The following IPCEF1 variants were observed in gnomAD, a reference collection of about 807,000 sequenced individuals.
The protein encoded by IPCEF1 is interaction protein for cytohesin exchange factors 1.
Under a neutral mutation model 50.9 loss-of-function variants are expected in IPCEF1, and 31 were observed. The ratio of observed to expected loss-of-function variants is 0.61; its 90% CI spans 0.46 to 0.82. IPCEF1 has a LOEUF of 0.82. Ranked by LOEUF, IPCEF1 falls within the 40% of genes least tolerant of loss-of-function variation. The probability of loss-of-function intolerance (pLI) is 0.00; values close to 1 mark genes in which losing one functional copy is unlikely to be tolerated. For synonymous variants in IPCEF1, 181 were observed against 192.0 expected, an observed-to-expected ratio of 0.94 and a Z score of 0.47; for missense variants, 458 against 514.0, an observed-to-expected ratio of 0.89 and a Z score of 1.05.
At chr6:154,163,837 T>C (rs1288927543) in intron 11 of IPCEF1, among the ~76,000 whole-genome samples, 3 of 152,138 alleles carry the variant, frequency 2.0e-5, no homozygotes, top group Non-Finnish European at 4.4e-5. Flanking sequence ...TAGATAGATA[T>C]TAATAGATAG....
intron 2 of IPCEF1, among the ~76,000 whole-genome samples, chr6:154,272,662 A>T (rs1458596349): frequency 6.6e-6 from 1 of 152,250 alleles, no homozygotes; most frequent in African/African-American, 2.4e-5. Context: ...ACATATATTA[A>T]TAAAGAATCA....
At chr6:154,184,832 A>C (rs1024716940) in intron 10 of IPCEF1, among the ~76,000 whole-genome samples, 1 of 152,190 alleles carries the variant, frequency 6.6e-6, no homozygotes, top group Non-Finnish European at 1.5e-5. Flanking sequence ...AGATTTTATC[A>C]AGCATGTTAT....
At chr6:154,322,772 G>A (rs1583988181) in intron 1 of IPCEF1, among the ~76,000 whole-genome samples, 1 of 152,006 alleles carries the variant, frequency 6.6e-6, no homozygotes, top group South Asian at 2.1e-4. Flanking sequence ...GGGAGGTGGA[G>A]GTTGCAGTGA....
At chr6:154,214,306 C>T (rs1778207177) in intron 7 of IPCEF1, 30 bp from the exon 8 acceptor site, 6 of 1,518,350 alleles carry the variant, frequency 4.0e-6, no homozygotes, top group Non-Finnish European at 5.5e-6. Flanking sequence ...CAAATGTTGA[C>T]CAAAGAGATT....
At chr6:154,327,381 C>G (rs1217790993) in intron 1 of IPCEF1, among the ~76,000 whole-genome samples, 3 of 151,996 alleles carry the variant, frequency 2.0e-5, no homozygotes, top group African/African-American at 7.2e-5. Flanking sequence ...AAAAAACAAA[C>G]AAGCCCATTA....
intron 6 of IPCEF1, chr6:154,222,860 G>A (rs886697852): frequency 1.7e-5 from 6 of 356,580 alleles, no homozygotes; most frequent in African/African-American, 1.0e-4. Context: ...TAGTAGAACC[G>A]AAGCTTGACA....
intron 1 of IPCEF1, among the ~76,000 whole-genome samples, chr6:154,320,142 T>TA (rs1186676577): frequency 5.3e-5 from 8 of 151,984 alleles, no homozygotes; most frequent in South Asian, 2.1e-4. Context: ...ATCTAAGTAA[T>TA]AAAAAAAGTG....
intron 5 of IPCEF1, among the ~76,000 whole-genome samples, chr6:154,236,509 C>G (rs1780146514): frequency 6.6e-6 from 1 of 152,156 alleles, no homozygotes; most frequent in African/African-American, 2.4e-5. Context: ...TTAAGCAATG[C>G]CACTCAACTG....
chr6:154,236,592 G>A (rs887660902), intron 5 of IPCEF1, among the ~76,000 whole-genome samples: 8 of 152,162 alleles, frequency 5.3e-5, no homozygotes, highest in South Asian at 2.1e-4. Flanking sequence ...CTCTGAAATC[G>A]TTATTTGTCA....
intron 1 of IPCEF1, among the ~76,000 whole-genome samples, chr6:154,330,993 G>A (rs116742894): frequency 0.015 from 2,222 of 152,286 alleles, 52 homozygotes; most frequent in African/African-American, 0.05. Context: ...GTGATAGTCA[G>A]GCAGTTGTTA....
intron 10 of IPCEF1, among the ~76,000 whole-genome samples, chr6:154,192,675 T>C (rs1003378892): frequency 6.7e-6 from 1 of 149,964 alleles, no homozygotes; most frequent in Non-Finnish European, 1.5e-5. Context: ...GAAAAAAAAA[T>C]GACTTAATCC....
At chr6:154,355,592 A>C (rs1163638268) in intron 1 of IPCEF1, among the ~76,000 whole-genome samples, 2 of 151,368 alleles carry the variant, frequency 1.3e-5, no homozygotes, top group Non-Finnish European at 2.9e-5. Flanking sequence ...GGGTTCAAGC[A>C]ATTCTCCTGC....
intron 5 of IPCEF1, among the ~76,000 whole-genome samples, chr6:154,228,388 TCTC>T (rs1366367624): frequency 1.3e-5 from 2 of 152,172 alleles, no homozygotes; most frequent in East Asian, 3.9e-4. Context: ...AAAAACTTGT[TCTC>T]CTGCCAGAGG....
chr6:154,169,524 A>C (rs6938037), intron 10 of IPCEF1, among the ~76,000 whole-genome samples: 106,023 of 152,164 alleles, frequency 0.7, 38,048 homozygotes, highest in East Asian at 0.89. Flanking sequence ...CAAATTATAC[A>C]CATGCTAAAG....
intron 4 of IPCEF1, 92 bp from the exon 5 acceptor site, chr6:154,246,852 C>G: frequency 7.4e-7 from 1 of 1,342,808 alleles, no homozygotes; most frequent in Non-Finnish European, 9.7e-7. Context: ...TGAAAGGCAA[C>G]TTTTAATTGT....
At chr6:154,238,458 G>T (rs1334474054) in intron 5 of IPCEF1, among the ~76,000 whole-genome samples, 1 of 151,950 alleles carries the variant, frequency 6.6e-6, no homozygotes, top group South Asian at 2.1e-4. Context: ...TACAGACAGG[G>T]TTTCTCCATG....
chr6:154,319,759 G>C (rs1237065958), intron 1 of IPCEF1, among the ~76,000 whole-genome samples: 1 of 152,210 alleles, frequency 6.6e-6, no homozygotes, highest in East Asian at 1.9e-4. Context: ...TAGCAAGATC[G>C]TGTTTGAATG....
rs996220851 is a variant in IPCEF1 at position 154,156,025 on chromosome 6, C to T, written c.*3803G>A. 3.9e-5 allele frequency: 6 copies of T among 152,218 alleles called. No individual in the cohort carries two copies. The highest frequency in any genetic ancestry group is 9.6e-5 in the African/African-American group (4 of 41,456). 9.4% of individuals were successfully genotyped at this position (152,218 alleles called of 1,614,324 possible). A position where few individuals can be genotyped will look rare whatever the true frequency, so the allele number is the denominator to read the frequency against. On this transcript the variant is annotated 3_prime_UTR_variant, in exon 12 of 12. Coordinates refer to ENST00000367220, the MANE Select transcript of IPCEF1 (RefSeq NM_001130700.2). ...TCTAATCACTAAGTTTGGTCTCTAACATTTGACAGCACATGCCTCAAAAAG... is the reference window on the plus strand; with the variant it reads ...TCTAATCACTAAGTTTGGTCTCTAATATTTGACAGCACATGCCTCAAAAAG...
At chr6:154,302,073 T>A in intron 1 of IPCEF1, among the ~76,000 whole-genome samples, 1 of 152,220 alleles carries the variant, frequency 6.6e-6, no homozygotes, top group East Asian at 1.9e-4. Flanking sequence ...GAGATTCAAC[T>A]ACACTTCATT....
Sources: allele counts gnomAD v4.1 joint callset (sites outside exome capture counted in the v4.1 genomes callset), GRCh38; gene constraint gnomAD v4.1.1; transcripts MANE v1.5; gene names NCBI Gene and HGNC (gene_info 2026-07-23, HGNC 2026-07-21).